The following CDH13 variants were observed in gnomAD, a reference collection of about 807,000 sequenced individuals.
The protein encoded by CDH13 is cadherin-13.
A neutral mutation model predicts 63.8 loss-of-function variants in CDH13; 24 were observed. The ratio of observed to expected loss-of-function variants is 0.38; its 90% confidence interval spans 0.27 to 0.53. The LOEUF (loss-of-function observed/expected upper bound fraction) is 0.53. CDH13 is among the 20% of genes least tolerant of loss of function. CDH13 has a pLI of 0.85. For synonymous variants in CDH13, 503 were observed against 355.3 expected (o/e 1.42, Z -4.67); for missense variants, 1,049 against 903.1 (o/e 1.16, Z -2.07).
At chr16:83,156,265 T>C (rs1032387530) in intron 4 of CDH13, among the ~76,000 whole-genome samples, 1 of 152,208 alleles carries the variant, frequency 6.6e-6, no homozygotes, top group Admixed American at 6.5e-5. Context: ...CATCTCTCTT[T>C]GTTAAGGGCC....
intron 7 of CDH13, among the ~76,000 whole-genome samples, chr16:83,585,543 C>T (rs1025123007): frequency 6.6e-6 from 1 of 152,034 alleles, no homozygotes; most frequent in African/African-American, 2.4e-5. Flanking sequence ...ACACATTCAG[C>T]TGGAAATGTT....
intron 3 of CDH13, among the ~76,000 whole-genome samples, chr16:83,110,764 T>C (rs554883583): frequency 6.6e-6 from 1 of 152,000 alleles, no homozygotes; most frequent in East Asian, 1.9e-4. Context: ...TCTGAAATTT[T>C]TGAAACAAAA....
chr16:82,791,233 T>C (rs1226298413), intron 1 of CDH13, among the ~76,000 whole-genome samples: 414 of 38,270 alleles, frequency 0.011, 1 homozygote, highest in African/African-American at 0.034. Flanking sequence ...CGAGACTCCG[T>C]CTCCAAAAAA....
chr16:83,691,059 A>C (rs1287303485), intron 10 of CDH13, among the ~76,000 whole-genome samples: 1 of 147,876 alleles, frequency 6.8e-6, no homozygotes, highest in Admixed American at 7.0e-5. Context: ...GGGATTTGCT[A>C]ACCAACTGTG....
intron 7 of CDH13, among the ~76,000 whole-genome samples, chr16:83,533,030 A>C (rs2075114197): frequency 6.6e-6 from 1 of 152,200 alleles, no homozygotes; most frequent in Non-Finnish European, 1.5e-5. Flanking sequence ...TCTGCAGAGC[A>C]TCAGGCATCT....
chr16:83,409,609 A>G (rs1023122328), intron 6 of CDH13, among the ~76,000 whole-genome samples: 4 of 152,186 alleles, frequency 2.6e-5, no homozygotes, highest in African/African-American at 4.8e-5. Flanking sequence ...TACCCATTGT[A>G]TGTGCTTTAT....
At chr16:82,868,904 C>T (rs1311267851) in intron 2 of CDH13, among the ~76,000 whole-genome samples, 3 of 152,086 alleles carry the variant, frequency 2.0e-5, no homozygotes, top group Non-Finnish European at 4.4e-5. Flanking sequence ...GTAACTTTGG[C>T]AAGTTGGGAA....
chr16:82,677,091 C>T (rs559009105), intron 1 of CDH13, among the ~76,000 whole-genome samples: 4 of 152,170 alleles, frequency 2.6e-5, no homozygotes, highest in South Asian at 2.1e-4. Context: ...GCCATGTTGG[C>T]CAGGATGATC....
At chr16:83,390,253 C>T (rs1465691561) in intron 6 of CDH13, among the ~76,000 whole-genome samples, 1 of 152,228 alleles carries the variant, frequency 6.6e-6, no homozygotes, top group African/African-American at 2.4e-5. Flanking sequence ...CTCAGAGGTA[C>T]CAGTGCTCAG....
At chr16:83,056,542 A>G (rs1016199583) in intron 3 of CDH13, among the ~76,000 whole-genome samples, 1 of 152,222 alleles carries the variant, frequency 6.6e-6, no homozygotes, top group African/African-American at 2.4e-5. Flanking sequence ...AAGAAGCCAG[A>G]TAGGGAAGGG....
chr16:83,075,056 C>T (rs1045551467), intron 3 of CDH13, among the ~76,000 whole-genome samples: 1 of 152,172 alleles, frequency 6.6e-6, no homozygotes, highest in Non-Finnish European at 1.5e-5. Context: ...GATAAACATC[C>T]TTGGGTCCAG....
chr16:83,098,184 G>C (rs1212073187), intron 3 of CDH13, among the ~76,000 whole-genome samples: 5 of 152,328 alleles, frequency 3.3e-5, no homozygotes, highest in African/African-American at 9.6e-5. Context: ...GGTTGCTTTA[G>C]AATTTGTAGT....
rs528556376 is a variant in CDH13 at position 82,628,994 on chromosome 16, C to T, written c.45+1857C>T. Reference sequence around the variant, plus strand: ...CAATGCATGCCAGTCTGGGAGCTGTCGGTGTCTGAGAGCACTTACCATTGC... The same window carrying T: ...CAATGCATGCCAGTCTGGGAGCTGTTGGTGTCTGAGAGCACTTACCATTGC... On this transcript the variant is annotated intron_variant, in intron 1 of 13. Coordinates refer to ENST00000567109, the MANE Select transcript of CDH13 (RefSeq NM_001257.5). 5.9e-5 allele frequency among the ~76,000 whole-genome samples: 9 copies of T among 152,354 alleles called. No individual in the cohort carries two copies. In the South Asian group the frequency reaches 1.2e-3, roughly 21 times the overall value.
chr16:82,888,342 G>C (rs552012029), intron 2 of CDH13, among the ~76,000 whole-genome samples: 1 of 152,166 alleles, frequency 6.6e-6, no homozygotes, highest in African/African-American at 2.4e-5. Flanking sequence ...TGAAGCTGCT[G>C]GACTGGGCCT....
chr16:83,376,938 G>A (rs529300767), intron 6 of CDH13, among the ~76,000 whole-genome samples: 6 of 152,128 alleles, frequency 3.9e-5, no homozygotes, highest in African/African-American at 1.2e-4. Flanking sequence ...TGGCTACCTG[G>A]AGACTGCCCT....
At chr16:83,010,160 A>AAAAAAAAAAAAAAAAAT (rs1913995009) in intron 2 of CDH13, among the ~76,000 whole-genome samples, 1 of 147,604 alleles carries the variant, frequency 6.8e-6, no homozygotes, top group Non-Finnish European at 1.5e-5. Flanking sequence ...AAAAAAAAAA[A>AAAAAAAAAAAAAAAAAT]AACAAGAATG....
chr16:83,458,258 T>C (rs932254057), intron 6 of CDH13, among the ~76,000 whole-genome samples: 3 of 152,196 alleles, frequency 2.0e-5, no homozygotes, highest in African/African-American at 7.2e-5. Flanking sequence ...GCTGTTCCTT[T>C]GTTGATCTGT....
intron 6 of CDH13, among the ~76,000 whole-genome samples, chr16:83,406,941 A>C (rs1488231245): frequency 6.6e-6 from 1 of 152,260 alleles, no homozygotes; most frequent in Non-Finnish European, 1.5e-5. Context: ...TGTTAAAATT[A>C]GTTTATGACT....
chr16:82,858,236 T>C (rs2039782756), intron 1 of CDH13, 126 bp from the exon 2 acceptor site: 1 of 633,750 alleles, frequency 1.6e-6, no homozygotes, highest in African/African-American at 1.8e-5. Flanking sequence ...AAGTTTCAAC[T>C]TACCTCTTCA....
Sources: gnomAD v4.1 joint callset for allele counts (sites outside exome capture counted in the v4.1 genomes callset) on GRCh38, gnomAD v4.1.1 for gene constraint, MANE v1.5 for transcripts, NCBI Gene and HGNC (gene_info 2026-07-23, HGNC 2026-07-21) for gene names.